The following ITGA9 variants were observed in gnomAD, a reference collection of about 807,000 sequenced individuals.
The protein encoded by ITGA9 is integrin alpha-9.
A neutral mutation model predicts 127.8 loss-of-function variants in ITGA9; 56 were observed. That is an observed-to-expected ratio of 0.44 (90% CI 0.35 to 0.55). The LOEUF (loss-of-function observed/expected upper bound fraction) is 0.55. ITGA9 is among the 20% of genes least tolerant of loss of function. The probability of loss-of-function intolerance (pLI) is 0.00; values close to 1 mark genes in which losing one functional copy is unlikely to be tolerated. For missense variants in ITGA9, 1,196 were observed against 1,347.1 expected, an observed-to-expected ratio of 0.89 and a Z score of 1.76; for synonymous variants, 508 against 514.5, an observed-to-expected ratio of 0.99 and a Z score of 0.17.
At chr3:37,690,872 G>T (rs1340951443) in intron 18 of ITGA9, among the ~76,000 whole-genome samples, 1 of 152,182 alleles carries the variant, frequency 6.6e-6, no homozygotes, top group Non-Finnish European at 1.5e-5. Flanking sequence ...TGGTAGGGAG[G>T]TGAAGTTATA....
chr3:37,743,814 G>T, intron 21 of ITGA9, 112 bp from the exon 22 acceptor site: 1 of 793,930 alleles, frequency 1.3e-6, no homozygotes, highest in South Asian at 1.4e-5. Context: ...GGGAAGCACT[G>T]GGTGCAAGAC....
At position 37,595,447 on chromosome 3, in the gene ITGA9, A is replaced by G. The variant is rs78302852; in HGVS notation, c.1690-33740A>G. Among the ~76,000 whole-genome samples, 1,523 of 152,354 alleles carry G rather than the reference A, an allele frequency of 1.0e-2. 23 individuals are homozygous for G. Among genetic ancestry groups the G allele is most frequent in the African/African-American group, 0.033 (1,379 of 41,584 alleles). ...CAAACAACCAAAATTGAAAGCAAAC[A>G]GACTCTGAGTTGAGAAACCTGTTCT... On this transcript the variant is annotated intron_variant, in intron 15 of 27. Transcript: ENST00000264741.
At chr3:37,460,414 T>C (rs980159377) in intron 1 of ITGA9, among the ~76,000 whole-genome samples, 2 of 152,258 alleles carry the variant, frequency 1.3e-5, no homozygotes, top group East Asian at 3.9e-4. Context: ...AACAATAATT[T>C]GATTGTAGTT....
intron 16 of ITGA9, among the ~76,000 whole-genome samples, chr3:37,647,855 A>ATG (rs1559557578): frequency 6.6e-6 from 1 of 151,872 alleles, no homozygotes; most frequent in East Asian, 1.9e-4. Context: ...ATATATGTGT[A>ATG]TATATATATG....
chr3:37,647,260 G>A (rs555127993), intron 16 of ITGA9, among the ~76,000 whole-genome samples: 3 of 152,218 alleles, frequency 2.0e-5, no homozygotes, highest in South Asian at 4.2e-4. Context: ...GGTTGGCTGA[G>A]TATTCTGGTA....
intron 17 of ITGA9, among the ~76,000 whole-genome samples, chr3:37,658,839 A>G (rs1182138885): frequency 6.6e-6 from 1 of 152,012 alleles, no homozygotes; most frequent in Non-Finnish European, 1.5e-5. Flanking sequence ...TTTCCTTTCC[A>G]TGTTTAGTGC....
intron 15 of ITGA9, among the ~76,000 whole-genome samples, chr3:37,571,662 A>G (rs556517906): frequency 6.6e-6 from 1 of 152,272 alleles, no homozygotes; most frequent in East Asian, 1.9e-4. Context: ...TTCTGGAGAT[A>G]TTGATGCTGC....
intron 18 of ITGA9, among the ~76,000 whole-genome samples, chr3:37,705,168 C>T (rs551695379): frequency 6.6e-6 from 1 of 152,312 alleles, no homozygotes; most frequent in East Asian, 1.9e-4. Context: ...TATGTGTTAA[C>T]AGGTATTAAG....
intron 18 of ITGA9, among the ~76,000 whole-genome samples, chr3:37,714,637 C>T (rs2125680333): frequency 6.6e-6 from 1 of 152,346 alleles, no homozygotes; most frequent in Middle Eastern, 3.4e-3. Context: ...ATCAGTGCCA[C>T]TCAAAGCGTG....
At chr3:37,468,004 A>G (rs1044209627) in intron 1 of ITGA9, among the ~76,000 whole-genome samples, 32 of 152,104 alleles carry the variant, frequency 2.1e-4, no homozygotes, top group African/African-American at 7.7e-4. Flanking sequence ...TTTGTACGTC[A>G]TTGTGCATTT....
chr3:37,730,132 A>G (rs1332415838), intron 18 of ITGA9, among the ~76,000 whole-genome samples: 2 of 152,250 alleles, frequency 1.3e-5, no homozygotes, highest in African/African-American at 4.8e-5. Flanking sequence ...AGCATGTAAT[A>G]TATGTATATG....
chr3:37,754,060 A>T (rs1428721683), intron 23 of ITGA9: 1 of 152,202 alleles, frequency 6.6e-6, no homozygotes, highest in East Asian at 1.9e-4. Flanking sequence ...GACCTGAAAA[A>T]TTGAACCACT....
intron 18 of ITGA9, among the ~76,000 whole-genome samples, chr3:37,710,463 C>T (rs1171360611): frequency 3.3e-5 from 5 of 152,044 alleles, no homozygotes; most frequent in Admixed American, 6.6e-5. Flanking sequence ...AACCCACGAG[C>T]GTGGTTTGTG....
rs969778954 is a variant in ITGA9, at chr3:37,809,067, G to A, written c.3009+5125G>A. Among the ~76,000 whole-genome samples the A allele has an allele frequency of 4.6e-5, 7 of 151,584 alleles. No homozygotes were observed. In the South Asian group the frequency reaches 1.0e-3, roughly 23 times the overall value. ...TTTATCTGTCACATACATGATGTTCGAAATATGGGCAAAATCTTTTCTTTT... is the reference window on the plus strand; with the variant it reads ...TTTATCTGTCACATACATGATGTTCAAAATATGGGCAAAATCTTTTCTTTT... On this transcript the variant is annotated intron_variant, in intron 27 of 27. Transcript: ENST00000264741.
chr3:37,788,945 A>G (rs1258166335), intron 26 of ITGA9, among the ~76,000 whole-genome samples: 2 of 152,194 alleles, frequency 1.3e-5, no homozygotes, highest in Admixed American at 1.3e-4. Flanking sequence ...AATGCCCAAC[A>G]TTTTGTAAAC....
chr3:37,687,574 A>C (rs1388850785), intron 18 of ITGA9, among the ~76,000 whole-genome samples: 1 of 152,222 alleles, frequency 6.6e-6, no homozygotes, highest in African/African-American at 2.4e-5. Context: ...AGCTTCATGA[A>C]ATTTTTAATT....
chr3:37,809,883 G>A (rs1697346036), intron 27 of ITGA9, among the ~76,000 whole-genome samples: 1 of 152,152 alleles, frequency 6.6e-6, no homozygotes, highest in African/African-American at 2.4e-5. Context: ...GTTAATTGAT[G>A]GTCTAAACTC....
At chr3:37,545,578 C>G (rs1699318286) in intron 15 of ITGA9, among the ~76,000 whole-genome samples, 1 of 152,230 alleles carries the variant, frequency 6.6e-6, no homozygotes, top group South Asian at 2.1e-4. Flanking sequence ...AGGGCAGGTA[C>G]TTTCTCACGG....
Position 37,629,071 on chromosome 3 carries a change from G to A in ITGA9, c.1690-116G>A. On this transcript the variant is annotated intron_variant, in intron 15 of 27. Transcript: ENST00000264741. The surrounding 1 kb of genome is among the most constrained non-coding windows in gnomAD (Gnocchi z 4.5). ...AGTCATAAAACCCTACCTCACGAGGGTGATTGTGAGGATTATATGAGGCAA... is the reference window on the plus strand; with the variant it reads ...AGTCATAAAACCCTACCTCACGAGGATGATTGTGAGGATTATATGAGGCAA... 8 of 1,188,774 alleles carry A rather than the reference G, an allele frequency of 6.7e-6. No individual in the cohort carries two copies. Among genetic ancestry groups the A allele is most frequent in the Non-Finnish European group, 1.0e-5 (8 of 800,284 alleles). 73.6% of individuals were successfully genotyped at this position (1,188,774 alleles called of 1,614,324 possible). A position where few individuals can be genotyped will look rare whatever the true frequency, so the allele number is the denominator to read the frequency against.
Sources: allele counts gnomAD v4.1 joint callset (sites outside exome capture counted in the v4.1 genomes callset), GRCh38; gene constraint gnomAD v4.1.1; non-coding constraint Gnocchi (gnomAD v3.1); transcripts MANE v1.5; gene names NCBI Gene and HGNC (gene_info 2026-07-23, HGNC 2026-07-21).